The following AAK1 variants were observed in gnomAD, a reference collection of about 807,000 sequenced individuals.
The protein encoded by AAK1 is AP2 associated kinase 1.
In AAK1, 37 loss-of-function variants were observed where a neutral mutation model predicts 116.0. The observed-to-expected ratio is 0.32, with a 90% CI of 0.25 to 0.42. The LOEUF is 0.42. Among genes scored for constraint, AAK1 ranks in the 10% least tolerant of loss-of-function variants. The probability of loss-of-function intolerance (pLI) is 1.00; values close to 1 mark genes in which losing one functional copy is unlikely to be tolerated. For synonymous variants in AAK1, 458 were observed against 439.9 expected, an observed-to-expected ratio of 1.04 and a Z score of -0.51; for missense variants, 919 against 1,170.6, an observed-to-expected ratio of 0.79 and a Z score of 3.14.
intron 3 of AAK1, among the ~76,000 whole-genome samples, chr2:69,547,272 T>C (rs1670966458): frequency 6.6e-6 from 1 of 152,174 alleles, no homozygotes; most frequent in South Asian, 2.1e-4. Context: ...TTGCACTTTA[T>C]TGAAATTAAA....
intron 12 of AAK1, among the ~76,000 whole-genome samples, chr2:69,517,247 C>T (rs968977210): frequency 3.3e-5 from 5 of 152,110 alleles, no homozygotes; most frequent in Middle Eastern, 3.2e-3. Context: ...CTTTTCTGTA[C>T]AAACAGTACC....
In AAK1 at chr2:69,545,934, G is replaced by A. The variant is rs559732056; in HGVS notation, c.283-1390C>T. ...GTGCCTAAGGCAGCAGCATTGAGGG[G>A]AAAGGGTGTTTAGAATGGGAGAAAA... On this transcript the variant is annotated intron_variant, in intron 3 of 21. Transcript: ENST00000409085. Among the ~76,000 whole-genome samples, 165 of 152,270 alleles carry A rather than the reference G, an allele frequency of 1.1e-3. 2 individuals carry two copies. The highest frequency in any genetic ancestry group is 1.9e-3 in the Non-Finnish European group (132 of 68,018).
At chr2:69,595,102 TTC>T in intron 2 of AAK1, 1 of 630,734 alleles carries the variant, frequency 1.6e-6, no homozygotes, top group Non-Finnish European at 3.0e-6. Flanking sequence ...AGGATTTTGT[TTC>T]TTTTTTGTTT....
At chr2:69,640,051 A>ACTCT (rs34183429) in intron 2 of AAK1, among the ~76,000 whole-genome samples, 181 of 100,770 alleles carry the variant, frequency 1.8e-3, no homozygotes, top group Middle Eastern at 9.2e-3. Context: ...ACACACACAC[A>ACTCT]CACTCTCTCT....
At chr2:69,642,080 T>A (rs1045047949) in intron 2 of AAK1, among the ~76,000 whole-genome samples, 7 of 152,152 alleles carry the variant, frequency 4.6e-5, no homozygotes, top group Non-Finnish European at 1.0e-4. Flanking sequence ...GGAATCAAGA[T>A]GTATATCTAC....
chr2:69,624,859 G>C (rs1674824319), intron 2 of AAK1, among the ~76,000 whole-genome samples: 1 of 152,130 alleles, frequency 6.6e-6, no homozygotes, highest in African/African-American at 2.4e-5. Flanking sequence ...TATTATAACA[G>C]TGCCTAGAAC....
chr2:69,541,108 A>G (rs1670698026), intron 5 of AAK1, among the ~76,000 whole-genome samples: 1 of 152,104 alleles, frequency 6.6e-6, no homozygotes, highest in African/African-American at 2.4e-5. Flanking sequence ...GGGAGACAGA[A>G]TAGGGACTGC....
chr2:69,468,601 A>G lies in AAK1; in HGVS notation c.*7268T>C. The G allele has an allele frequency of 1.0e-6, 1 of 985,462 alleles. No individual in the cohort carries two copies. Among genetic ancestry groups the G allele is most frequent in the Non-Finnish European group, 1.2e-6 (1 of 829,930 alleles). 61.0% of individuals were successfully genotyped at this position (985,462 alleles called of 1,614,324 possible). A position where few individuals can be genotyped will look rare whatever the true frequency, so the allele number is the denominator to read the frequency against. On this transcript the variant is annotated 3_prime_UTR_variant, in exon 22 of 22. Transcript: ENST00000409085. ...GACCAACTCTGGCATCATACAGGTC[A>G]ATAATCCAATGAACACTAGTTTGAA...
chr2:69,528,521 G>A (rs1417560067), intron 8 of AAK1, among the ~76,000 whole-genome samples: 1 of 152,164 alleles, frequency 6.6e-6, no homozygotes, highest in Non-Finnish European at 1.5e-5. Context: ...AAGGAATATG[G>A]CCGAGTACAC....
chr2:69,581,173 G>A (rs977687558), intron 2 of AAK1, among the ~76,000 whole-genome samples: 1 of 152,114 alleles, frequency 6.6e-6, no homozygotes, highest in Non-Finnish European at 1.5e-5. Context: ...GAGTGCAGTG[G>A]CACGATCTCG....
intron 2 of AAK1, among the ~76,000 whole-genome samples, chr2:69,559,485 T>C (rs1671540890): frequency 1.3e-5 from 2 of 152,218 alleles, no homozygotes; most frequent in African/African-American, 4.8e-5. Context: ...AAAATAGTAG[T>C]GTAAATTACA....
rs182973650 is a variant in AAK1, at chr2:69,461,844, G to A, written c.*14025C>T. On this transcript the variant is annotated 3_prime_UTR_variant, in exon 22 of 22. Transcript: ENST00000409085. ...TACCCTCAAGTGATCCACCCACCTC[G>A]GCCTCCCAAAGTGCTGGGATTACAA... 2.6e-5 allele frequency: 6 copies of A among 232,402 alleles called. No individual in the cohort carries two copies. The highest frequency in any genetic ancestry group is 1.7e-4 in the East Asian group (1 of 5,862). 14.4% of individuals were successfully genotyped at this position (232,402 alleles called of 1,614,324 possible).
chr2:69,607,294 C>A (rs2105208751), intron 2 of AAK1, among the ~76,000 whole-genome samples: 1 of 151,998 alleles, frequency 6.6e-6, no homozygotes, highest in South Asian at 2.1e-4. Flanking sequence ...CAGGAGCACA[C>A]CTGGCATACT....
intron 13 of AAK1, among the ~76,000 whole-genome samples, chr2:69,513,898 T>G (rs1676484896): frequency 6.6e-6 from 1 of 152,332 alleles, no homozygotes; most frequent in South Asian, 2.1e-4. Flanking sequence ...AAAGTGGACA[T>G]GCCCAATTTC....
chr2:69,468,957 A>T lies in AAK1; in HGVS notation c.*6912T>A. ...GGAAAATCAGACTTAAAATTCCAAC[A>T]ACTTTGAATAATTTACAAAAACAGT... On this transcript the variant is annotated 3_prime_UTR_variant, in exon 22 of 22. Transcript: ENST00000409085. 11 of 985,454 alleles carry T rather than the reference A, an allele frequency of 1.1e-5. No individual in the cohort carries two copies. The highest frequency in any genetic ancestry group is 1.3e-5 in the Non-Finnish European group (11 of 829,922). The allele number at this position is 985,454 out of a possible 1,614,324, so 61.0% of individuals were successfully genotyped here. A position where few individuals can be genotyped will look rare whatever the true frequency, so the allele number is the denominator to read the frequency against.
At chr2:69,606,167 C>G (rs1673788583) in intron 2 of AAK1, among the ~76,000 whole-genome samples, 1 of 152,210 alleles carries the variant, frequency 6.6e-6, no homozygotes, top group Non-Finnish European at 1.5e-5. Flanking sequence ...AAAGCTGCTT[C>G]CTGATTTCTA....
chr2:69,579,119 T>G (rs1378894383), intron 2 of AAK1, among the ~76,000 whole-genome samples: 1 of 152,168 alleles, frequency 6.6e-6, no homozygotes, highest in Admixed American at 6.5e-5. Flanking sequence ...CTGTCTATTC[T>G]CTCACTCTCT....
In AAK1 at chr2:69,525,112, T is replaced by A; in HGVS notation, c.976A>T (p.Asn326Tyr). Residue 326 changes from asparagine (N) to tyrosine (Y), a missense_variant and splice_region_variant, in exon 10 of 22, where the codon AAC (asparagine) becomes TAC (tyrosine). Coordinates refer to ENST00000409085, the MANE Select transcript of AAK1 (RefSeq NM_014911.5). ...KKECPIPNVQ[N>Y]SPIPAKLPEP... ...GGAAGCTTTGCAGGAATGGGAGAGT[T>A]CTATAGAATTGCAAACAAAACAGAA... 1 of 1,613,762 alleles carries A rather than the reference T, an allele frequency of 6.2e-7. No individual in the cohort carries two copies.
At chr2:69,544,717 C>G (rs1337150824) in intron 3 of AAK1, among the ~76,000 whole-genome samples, 173 bp from the exon 4 acceptor site, 2 of 152,182 alleles carry the variant, frequency 1.3e-5, no homozygotes, top group Admixed American at 1.3e-4. Context: ...AGATTCACTG[C>G]TAGATCTTCA....
Sources: gnomAD v4.1 joint callset for allele counts (sites outside exome capture counted in the v4.1 genomes callset) on GRCh38, gnomAD v4.1.1 for gene constraint, MANE v1.5 for transcripts, NCBI Gene and HGNC (gene_info 2026-07-23, HGNC 2026-07-21) for gene names.